The following CTNNA3 variants were observed in gnomAD, a reference collection of about 807,000 sequenced individuals.
The protein encoded by CTNNA3 is catenin alpha-3.
In CTNNA3, 76 loss-of-function variants were observed where a neutral mutation model predicts 95.7. That is an observed-to-expected ratio of 0.79 (90% CI 0.66 to 0.96). The LOEUF is 0.96. CTNNA3 is among the 40% of genes least tolerant of loss of function. The pLI is 0.00. For synonymous variants in CTNNA3, 431 were observed against 374.4 expected, an observed-to-expected ratio of 1.15 and a Z score of -1.74; for missense variants, 1,191 against 1,089.8, an observed-to-expected ratio of 1.09 and a Z score of -1.31.
At chr10:67,465,327 C>G (rs1847548521) in intron 5 of CTNNA3, among the ~76,000 whole-genome samples, 2 of 151,970 alleles carry the variant, frequency 1.3e-5, no homozygotes, top group Non-Finnish European at 2.9e-5. Context: ...AGCTATAATA[C>G]TCTCATGCAA....
At chr10:67,321,459 C>T (rs992586409) in intron 5 of CTNNA3, among the ~76,000 whole-genome samples, 1 of 152,140 alleles carries the variant, frequency 6.6e-6, no homozygotes, top group Non-Finnish European at 1.5e-5. Flanking sequence ...CAGGATTCTG[C>T]ATGATTAAGT....
intron 7 of CTNNA3, among the ~76,000 whole-genome samples, chr10:67,024,890 G>C (rs1369033769): frequency 2.0e-5 from 3 of 152,006 alleles, no homozygotes; most frequent in Non-Finnish European, 4.4e-5. Context: ...TAGCACTTTA[G>C]GGGGCCAAGG....
intron 10 of CTNNA3, among the ~76,000 whole-genome samples, chr10:66,575,881 T>G (rs1003509923): frequency 6.6e-6 from 1 of 152,134 alleles, no homozygotes; most frequent in African/African-American, 2.4e-5. Flanking sequence ...AATACATCTG[T>G]TCTTTAATAC....
chr10:66,660,560 A>AG (rs1846227340), intron 9 of CTNNA3, among the ~76,000 whole-genome samples: 2 of 152,212 alleles, frequency 1.3e-5, no homozygotes, highest in African/African-American at 2.4e-5. Context: ...TGGTTACAAA[A>AG]GGTCCCTGAT....
intron 7 of CTNNA3, among the ~76,000 whole-genome samples, chr10:67,032,150 C>T (rs1370070939): frequency 2.6e-5 from 4 of 152,066 alleles, no homozygotes; most frequent in Non-Finnish European, 5.9e-5. Context: ...GAACCTGAGG[C>T]CTAGAAAAAA....
At chr10:66,983,655 C>T (rs1390911635) in intron 7 of CTNNA3, among the ~76,000 whole-genome samples, 1 of 152,158 alleles carries the variant, frequency 6.6e-6, no homozygotes, top group Non-Finnish European at 1.5e-5. Flanking sequence ...GGCCCAATGC[C>T]AACAGCTTCA....
intron 10 of CTNNA3, among the ~76,000 whole-genome samples, chr10:66,576,031 A>G (rs551682965): frequency 6.6e-6 from 1 of 152,190 alleles, no homozygotes; most frequent in East Asian, 1.9e-4. Context: ...ATGCAAAGGA[A>G]TTCCATTAGA....
intron 7 of CTNNA3, among the ~76,000 whole-genome samples, chr10:67,142,510 C>A (rs1860616351): frequency 6.6e-6 from 1 of 152,048 alleles, no homozygotes; most frequent in Admixed American, 6.6e-5. Flanking sequence ...GCAAATATCA[C>A]AATAAAGCAA....
At chr10:66,908,254 C>T (rs931330281) in intron 7 of CTNNA3, among the ~76,000 whole-genome samples, 3 of 152,166 alleles carry the variant, frequency 2.0e-5, no homozygotes, top group South Asian at 4.1e-4. Context: ...TACTGCTTCT[C>T]ACAGTGACAT....
At chr10:66,191,066 G>C (rs1752760673) in intron 13 of CTNNA3, among the ~76,000 whole-genome samples, 8 of 152,096 alleles carry the variant, frequency 5.3e-5, no homozygotes, top group Non-Finnish European at 1.5e-5. Context: ...AGTGTGATGT[G>C]ACAAGAGGCA....
chr10:66,088,485 T>TTGTGTGTGTGTGTGTGTGTG (rs3074377), intron 14 of CTNNA3, among the ~76,000 whole-genome samples: 1 of 139,568 alleles, frequency 7.2e-6, no homozygotes, highest in Non-Finnish European at 1.5e-5. Context: ...GGTAGGTGTT[T>TTGTGTGTGTGTGTGTGTGTG]TGTGTGTGTG....
chr10:66,757,995 T>C (rs932251906), intron 9 of CTNNA3, among the ~76,000 whole-genome samples: 106 of 152,290 alleles, frequency 7.0e-4, no homozygotes, highest in African/African-American at 2.5e-3. Flanking sequence ...TTGGCACAGA[T>C]TACTAAATAT....
At chr10:66,918,899 G>A (rs898683064) in intron 7 of CTNNA3, among the ~76,000 whole-genome samples, 4 of 152,062 alleles carry the variant, frequency 2.6e-5, no homozygotes, top group African/African-American at 9.7e-5. Context: ...ACTTTGGGAG[G>A]CTGAGGCGGG....
chr10:66,653,027 A>G (rs1770826313), intron 9 of CTNNA3, among the ~76,000 whole-genome samples: 1 of 152,192 alleles, frequency 6.6e-6, no homozygotes, highest in African/African-American at 2.4e-5. Context: ...CATGGCTAAT[A>G]TCATACTGGA....
chr10:66,002,264 C>G (rs762531701), intron 15 of CTNNA3, among the ~76,000 whole-genome samples: 2 of 152,208 alleles, frequency 1.3e-5, no homozygotes, highest in South Asian at 2.1e-4. Context: ...TGGCAAATTT[C>G]TCCCTCTGGG....
At chr10:66,593,319 G>T (rs1178450898) in intron 10 of CTNNA3, among the ~76,000 whole-genome samples, 1 of 152,076 alleles carries the variant, frequency 6.6e-6, no homozygotes, top group African/African-American at 2.4e-5. Context: ...CAAGTCACTG[G>T]TGACATAGAG....
At chr10:67,732,449 GT>G (rs1456112117) in intron 1 of CTNNA3, among the ~76,000 whole-genome samples, 2 of 152,142 alleles carry the variant, frequency 1.3e-5, no homozygotes, top group African/African-American at 4.8e-5. Context: ...TTCTTGATAA[GT>G]AAAAACCTGT....
chr10:67,182,699 A>T (rs1307374853), intron 6 of CTNNA3, among the ~76,000 whole-genome samples: 2 of 152,192 alleles, frequency 1.3e-5, no homozygotes, highest in East Asian at 3.8e-4. Flanking sequence ...GGATCTAATT[A>T]AACTAAAGAG....
intron 5 of CTNNA3, among the ~76,000 whole-genome samples, chr10:67,250,172 C>T (rs1293929849): frequency 1.3e-5 from 2 of 151,896 alleles, no homozygotes; most frequent in Non-Finnish European, 2.9e-5. Context: ...AACATGGATC[C>T]AAAAGACAGG....
Sources: gnomAD v4.1 joint callset for allele counts (sites outside exome capture counted in the v4.1 genomes callset) on GRCh38, gnomAD v4.1.1 for gene constraint, MANE v1.5 for transcripts, NCBI Gene and HGNC (gene_info 2026-07-23, HGNC 2026-07-21) for gene names.